Variants in ADGRD1 observed in about 807,000 individuals in gnomAD.
ADGRD1 encodes the protein G-protein coupled receptor 133.
A neutral mutation model predicts 113.4 loss-of-function variants in ADGRD1; 77 were observed. That is an observed-to-expected ratio of 0.68 (90% CI 0.57 to 0.82). The LOEUF (loss-of-function observed/expected upper bound fraction) is 0.82, where lower values mean the gene tolerates loss of function less well. ADGRD1 is among the 40% of genes least tolerant of loss of function. The pLI is 0.00. For synonymous variants in ADGRD1, 474 were observed against 475.0 expected, an observed-to-expected ratio of 1.00 and a Z score of 0.03; for missense variants, 1,036 against 1,139.1, an observed-to-expected ratio of 0.91 and a Z score of 1.30.
chr12:131,016,190 C>T (rs1157204279), intron 13 of ADGRD1, among the ~76,000 whole-genome samples: 1 of 152,238 alleles, frequency 6.6e-6, no homozygotes, highest in Non-Finnish European at 1.5e-5. Context: ...TGTATTAGCA[C>T]AGAGTCTCAG....
rs542855126 is a variant in ADGRD1 at position 131,104,179 on chromosome 12, C to T, written c.1672-652C>T. 2.6e-5 allele frequency among the ~76,000 whole-genome samples: 4 copies of T among 152,290 alleles called. No individual in the cohort carries two copies. In the East Asian group the frequency reaches 7.7e-4, roughly 29 times the overall value. ...TCCATTTAGAGAGCTTTCCTGAGGC[C>T]CACAGTGTGCAGGCGGCAGCCATTG... On this transcript the variant is annotated intron_variant, in intron 15 of 24. Transcript: ENST00000261654.
intron 5 of ADGRD1, among the ~76,000 whole-genome samples, chr12:130,982,759 G>T (rs1873171137): frequency 6.6e-6 from 1 of 152,196 alleles, no homozygotes. Context: ...GCAGGTGGGT[G>T]TTGAGACATG....
chr12:131,097,524 C>A (rs1432809927), intron 15 of ADGRD1, among the ~76,000 whole-genome samples: 2 of 152,218 alleles, frequency 1.3e-5, no homozygotes, highest in African/African-American at 2.4e-5. Flanking sequence ...CCGGGGGAGG[C>A]TGGCTGCATG....
At chr12:131,097,406 C>T (rs541706353) in intron 15 of ADGRD1, among the ~76,000 whole-genome samples, 143 of 152,324 alleles carry the variant, frequency 9.4e-4, no homozygotes, top group African/African-American at 3.3e-3. Context: ...AGTCCTCTCC[C>T]GTCCTGCAGC....
At chr12:131,006,347 A>G (rs1289023472) in intron 12 of ADGRD1, among the ~76,000 whole-genome samples, 1 of 152,134 alleles carries the variant, frequency 6.6e-6, no homozygotes, top group African/African-American at 2.4e-5. Flanking sequence ...CTCAGTTTCC[A>G]CTGCTGTGTA....
chr12:130,964,136 T>C (rs751841497), intron 2 of ADGRD1, among the ~76,000 whole-genome samples: 14 of 152,106 alleles, frequency 9.2e-5, no homozygotes, highest in Admixed American at 3.3e-4. Flanking sequence ...GTAGGAGTTG[T>C]ACTAATATAA....
chr12:131,111,624 T>C (rs1950348951), intron 18 of ADGRD1, among the ~76,000 whole-genome samples: 1 of 152,070 alleles, frequency 6.6e-6, no homozygotes, highest in Admixed American at 6.5e-5. Context: ...GTTTTTTTTT[T>C]CTTTGTTCTT....
chr12:130,999,736 G>A (rs560859938), intron 8 of ADGRD1, among the ~76,000 whole-genome samples: 34 of 152,266 alleles, frequency 2.2e-4, no homozygotes, highest in African/African-American at 7.0e-4. Flanking sequence ...AGCCGGTGCC[G>A]CTCAGCTGTG....
intron 4 of ADGRD1, among the ~76,000 whole-genome samples, chr12:130,979,550 CTG>C (rs1872701589): frequency 6.6e-6 from 1 of 152,180 alleles, no homozygotes; most frequent in Admixed American, 6.5e-5. Context: ...CTCTCTAAGA[CTG>C]TGTCCATAAC....
intron 8 of ADGRD1, among the ~76,000 whole-genome samples, chr12:130,999,953 C>T (rs1276113516): frequency 6.6e-6 from 1 of 152,210 alleles, no homozygotes; most frequent in Non-Finnish European, 1.5e-5. Context: ...CTTCTGCTTT[C>T]TAGAGAGGTC....
At position 131,004,056 on chromosome 12, in the gene ADGRD1, A is replaced by G; in HGVS notation, c.1145-130A>G. 4 of 542,850 alleles carry G rather than the reference A, an allele frequency of 7.4e-6. No individual in the cohort carries two copies. The South Asian group carries it at 9.3e-5, about 13-fold the overall frequency. The allele number at this position is 542,850 out of a possible 1,614,324, so 33.6% of individuals were successfully genotyped here. On this transcript the variant is annotated intron_variant, in intron 10 of 24. Coordinates refer to ENST00000261654, the MANE Select transcript of ADGRD1 (RefSeq NM_198827.5). Reference sequence around the variant, plus strand: ...TTTTTTTTTTGAGGCCATGCTTTCTAAAGGTAATTATACTTCCCGTGGGGA... The same window carrying G: ...TTTTTTTTTTGAGGCCATGCTTTCTGAAGGTAATTATACTTCCCGTGGGGA...
At chr12:131,082,385 G>A (rs559499000) in intron 14 of ADGRD1, among the ~76,000 whole-genome samples, 1 of 152,270 alleles carries the variant, frequency 6.6e-6, no homozygotes, top group Non-Finnish European at 1.5e-5. Context: ...TGTTTTCGCT[G>A]AGTCCCTGGG....
intron 19 of ADGRD1, among the ~76,000 whole-genome samples, chr12:131,119,890 G>A (rs1212693121): frequency 6.6e-6 from 1 of 152,170 alleles, no homozygotes; most frequent in Non-Finnish European, 1.5e-5. Flanking sequence ...CCATCTCCTG[G>A]TCCGGGAGGC....
chr12:130,980,167 C>G lies in ADGRD1; in HGVS notation c.311-1717C>G, dbSNP rs548607465. Among the ~76,000 whole-genome samples the G allele has an allele frequency of 1.3e-4, 20 of 150,998 alleles. No individual in the cohort carries two copies. In the East Asian group the frequency reaches 3.1e-3, roughly 24 times the overall value. On this transcript the variant is annotated intron_variant, in intron 4 of 24. Transcript: ENST00000261654. ...TCGCCCAGGCTGGAGTGCAGTGGCA[C>G]AATCTCGGCTCACTGCAAGCTCTGC...
rs144166821 is a variant in ADGRD1, at chr12:131,073,700, G to A, written c.1474-3101G>A. Among the ~76,000 whole-genome samples the A allele has an allele frequency of 7.9e-3, 1,208 of 152,262 alleles. 19 individuals carry two copies. The highest frequency in any genetic ancestry group is 0.028 in the African/African-American group (1,149 of 41,550). On this transcript the variant is annotated intron_variant, in intron 13 of 24. Transcript: ENST00000261654. The stretch of plus-strand genomic sequence containing the variant: ...TCTGGAGGCTGTGAAGTCCAAGCTC[G>A]GGCAGCCGTGTCTGGTGAACACCTT...
chr12:130,971,995 C>G lies in ADGRD1; in HGVS notation c.310+415C>G, dbSNP rs965790573. 2.6e-5 allele frequency among the ~76,000 whole-genome samples: 4 copies of G among 152,212 alleles called. No homozygotes were observed. The highest frequency in any genetic ancestry group is 5.9e-5 in the Non-Finnish European group (4 of 68,038). On this transcript the variant is annotated intron_variant, in intron 4 of 24. Transcript: ENST00000261654. This position sits in a 1 kb window ranked among gnomAD's most constrained non-coding sequence, Gnocchi z 4.2. ...TGAGCGGGCAGGGCATACCCAAGAA[C>G]ACTTGCGCCTGGTTTTGGTTCTTTT...
intron 12 of ADGRD1, among the ~76,000 whole-genome samples, chr12:131,013,399 C>G (rs1046302433): frequency 1.3e-5 from 2 of 152,150 alleles, no homozygotes; most frequent in African/African-American, 4.8e-5. Flanking sequence ...ATGCAAGCAG[C>G]TCCCAGGGCC....
intron 13 of ADGRD1, among the ~76,000 whole-genome samples, chr12:131,039,426 C>T (rs1286520578): frequency 2.6e-5 from 4 of 152,242 alleles, no homozygotes; most frequent in Non-Finnish European, 2.9e-5. Context: ...AGACCATCTT[C>T]GGTCATTATT....
intron 15 of ADGRD1, among the ~76,000 whole-genome samples, chr12:131,086,385 G>T (rs1255400240): frequency 6.6e-6 from 1 of 152,142 alleles, no homozygotes; most frequent in African/African-American, 2.4e-5. Flanking sequence ...CAGCCTCCCA[G>T]GGGTGCTGTG....
Sources: gnomAD v4.1 joint callset for allele counts (sites outside exome capture counted in the v4.1 genomes callset) on GRCh38, gnomAD v4.1.1 for gene constraint, Gnocchi (gnomAD v3.1) non-coding constraint, MANE v1.5 for transcripts, NCBI Gene and HGNC (gene_info 2026-07-23, HGNC 2026-07-21) for gene names.